Variants in SIPA1L1 observed in about 807,000 individuals in gnomAD.
The protein encoded by SIPA1L1 is signal-induced proliferation-associated 1-like protein 1.
Under a neutral mutation model 162.7 loss-of-function variants are expected in SIPA1L1, and 26 were observed. That is an observed-to-expected ratio of 0.16 (90% CI 0.12 to 0.22). The LOEUF (loss-of-function observed/expected upper bound fraction) is 0.22, where lower values mean the gene tolerates loss of function less well. Among genes scored for constraint, SIPA1L1 ranks in the 10% least tolerant of loss-of-function variants. The pLI, the probability that SIPA1L1 is intolerant of heterozygous loss-of-function variation, is 1.00. For synonymous variants in SIPA1L1, 829 were observed against 837.4 expected (o/e 0.99, Z 0.17); for missense variants, 1,874 against 2,241.0 (o/e 0.84, Z 3.31).
chr14:71,427,474 T>C (rs1017639721), intron 2 of SIPA1L1, among the ~76,000 whole-genome samples: 3 of 152,216 alleles, frequency 2.0e-5, no homozygotes, highest in African/African-American at 7.2e-5. Context: ...TCTTTGTCTT[T>C]AGAAAGATAT....
At chr14:71,690,779 T>A (rs2081196596) in intron 13 of SIPA1L1, among the ~76,000 whole-genome samples, 1 of 152,244 alleles carries the variant, frequency 6.6e-6, no homozygotes, top group Non-Finnish European at 1.5e-5. Flanking sequence ...AGAAGGTTCA[T>A]CCACTTGAGC....
At chr14:71,329,717 A>G (rs572199950) in intron 2 of SIPA1L1, among the ~76,000 whole-genome samples, 4 of 152,114 alleles carry the variant, frequency 2.6e-5, no homozygotes, top group South Asian at 2.1e-4. Flanking sequence ...TTGTATTTTC[A>G]TATTCTCGTT....
At chr14:71,427,337 G>C (rs1387870463) in intron 2 of SIPA1L1, among the ~76,000 whole-genome samples, 1 of 151,802 alleles carries the variant, frequency 6.6e-6, no homozygotes, top group Non-Finnish European at 1.5e-5. Context: ...TTTGTTTTTT[G>C]CACTTTGAAT....
intron 5 of SIPA1L1, among the ~76,000 whole-genome samples, chr14:71,617,452 T>C (rs947456530): frequency 2.0e-5 from 3 of 152,244 alleles, no homozygotes; most frequent in Non-Finnish European, 2.9e-5. Flanking sequence ...TTATTTCTTA[T>C]ATATGAGATG....
intron 8 of SIPA1L1, 76 bp downstream of exon 8, chr14:71,650,585 T>A: frequency 7.3e-7 from 1 of 1,369,116 alleles, no homozygotes; most frequent in Non-Finnish European, 1.0e-6. Flanking sequence ...AAATTATCCG[T>A]AAAGCAACAT....
At chr14:71,613,787 C>G (rs975563524) in intron 5 of SIPA1L1, among the ~76,000 whole-genome samples, 1 of 152,162 alleles carries the variant, frequency 6.6e-6, no homozygotes, top group Admixed American at 6.5e-5. Flanking sequence ...CAATGGAAGT[C>G]GATGGCTGAT....
intron 2 of SIPA1L1, among the ~76,000 whole-genome samples, chr14:71,473,004 C>G (rs1175201644): frequency 1.3e-5 from 2 of 151,796 alleles, no homozygotes; most frequent in African/African-American, 4.8e-5. Context: ...AGCCACAGCA[C>G]CTGGCTTAAT....
chr14:71,501,200 G>A (rs1339321690), intron 2 of SIPA1L1, among the ~76,000 whole-genome samples: 1 of 151,910 alleles, frequency 6.6e-6, no homozygotes, highest in Admixed American at 6.6e-5. Flanking sequence ...GTGCATCTGT[G>A]GTCCCAGCTA....
chr14:71,543,100 C>T (rs2054626618), intron 4 of SIPA1L1, among the ~76,000 whole-genome samples: 1 of 152,068 alleles, frequency 6.6e-6, no homozygotes, highest in Non-Finnish European at 1.5e-5. Flanking sequence ...CTTTCCTGTC[C>T]TCTCCAGCAC....
At chr14:71,629,184 G>A (rs538888174) in intron 7 of SIPA1L1, among the ~76,000 whole-genome samples, 14 of 152,288 alleles carry the variant, frequency 9.2e-5, no homozygotes, top group African/African-American at 3.4e-4. Context: ...TGGTCCGCCT[G>A]CCTCAGCCTC....
At chr14:71,528,176 T>C (rs549249944) in intron 3 of SIPA1L1, among the ~76,000 whole-genome samples, 4 of 152,362 alleles carry the variant, frequency 2.6e-5, no homozygotes, top group African/African-American at 9.6e-5. Flanking sequence ...AGTAAGATGA[T>C]GCAGTATCAG....
At chr14:71,579,248 T>TA (rs2033571607) in intron 4 of SIPA1L1, among the ~76,000 whole-genome samples, 1 of 152,216 alleles carries the variant, frequency 6.6e-6, no homozygotes, top group South Asian at 2.1e-4. Context: ...ACTAATATCT[T>TA]ACATGTATTT....
chr14:71,404,914 A>G (rs2041934594), intron 2 of SIPA1L1, among the ~76,000 whole-genome samples: 1 of 152,238 alleles, frequency 6.6e-6, no homozygotes. Context: ...ACCGATCTGC[A>G]AATGTTTTGG....
chr14:71,478,354 T>C (rs1233461080), intron 2 of SIPA1L1, among the ~76,000 whole-genome samples: 1 of 152,210 alleles, frequency 6.6e-6, no homozygotes, highest in African/African-American at 2.4e-5. Flanking sequence ...TGTATTTCTC[T>C]GAACAAAATT....
intron 2 of SIPA1L1, among the ~76,000 whole-genome samples, chr14:71,323,011 A>G (rs1189779303): frequency 1.3e-5 from 2 of 152,134 alleles, no homozygotes; most frequent in East Asian, 3.9e-4. Context: ...ATTGCAAAGC[A>G]CCTCTCTGAT....
intron 4 of SIPA1L1, among the ~76,000 whole-genome samples, chr14:71,580,977 C>T (rs577754085): frequency 1.4e-4 from 21 of 152,136 alleles, no homozygotes; most frequent in Non-Finnish European, 2.9e-4. Context: ...TGTCTGCCTG[C>T]CTGCCTGTCT....
At chr14:71,471,013 A>AT (rs2047410791) in intron 2 of SIPA1L1, among the ~76,000 whole-genome samples, 4 of 151,372 alleles carry the variant, frequency 2.6e-5, no homozygotes, top group South Asian at 2.1e-4. Context: ...AATTTTTTGT[A>AT]TTTTTTTTAA....
chr14:71,731,213 T>G (rs1218137593), intron 20 of SIPA1L1, among the ~76,000 whole-genome samples: 1 of 152,204 alleles, frequency 6.6e-6, no homozygotes, highest in Non-Finnish European at 1.5e-5. Flanking sequence ...CCCTTATTTT[T>G]GAGCTCTCAG....
chr14:71,536,538 A>G (rs2053922912), intron 4 of SIPA1L1, among the ~76,000 whole-genome samples: 1 of 152,148 alleles, frequency 6.6e-6, no homozygotes, highest in Non-Finnish European at 1.5e-5. Flanking sequence ...TCAGTTTTGG[A>G]ACAGTGTCTA....
Sources: allele counts gnomAD v4.1 joint callset (sites outside exome capture counted in the v4.1 genomes callset), GRCh38; gene constraint gnomAD v4.1.1; transcripts MANE v1.5; gene names NCBI Gene and HGNC (gene_info 2026-07-23, HGNC 2026-07-21).